Variants in SPON1 observed in about 807,000 individuals in gnomAD.
The protein encoded by SPON1 is spondin-1.
SPON1 carries 52 observed loss-of-function variants against 111.7 expected under a neutral mutation model. The observed-to-expected ratio is 0.47, with a 90% CI of 0.37 to 0.59. The LOEUF (loss-of-function observed/expected upper bound fraction) is 0.59. Among genes scored for constraint, SPON1 ranks in the 20% least tolerant of loss-of-function variants. The probability of loss-of-function intolerance (pLI) is 0.00; values close to 1 mark genes in which losing one functional copy is unlikely to be tolerated. For synonymous variants in SPON1, 410 were observed against 395.8 expected (o/e 1.04, Z -0.43); for missense variants, 957 against 1,068.5 (o/e 0.90, Z 1.46).
intron 6 of SPON1, among the ~76,000 whole-genome samples, chr11:14,160,762 T>TTTA (rs1847923882): frequency 2.3e-5 from 1 of 43,692 alleles, no homozygotes; most frequent in African/African-American, 9.6e-5. Flanking sequence ...TTATATATAT[T>TTTA]TATATATTTA....
rs1366705580 is a variant in SPON1, at chr11:14,150,967, G to A, written c.825+15399G>A. On this transcript the variant is annotated intron_variant, in intron 6 of 15. Transcript: ENST00000576479. ...CCAGGATAGCAGTTTTTGTTGTTAC[G>A]TTCTCTGTGTCTGAGGATGGACTCA... 3.3e-5 allele frequency among the ~76,000 whole-genome samples: 5 copies of A among 152,120 alleles called. No individual in the cohort carries two copies. The South Asian group carries it at 8.3e-4, about 25-fold the overall frequency.
chr11:14,133,475 G>C (rs1056437610), intron 5 of SPON1, among the ~76,000 whole-genome samples: 42 of 152,350 alleles, frequency 2.8e-4, no homozygotes, highest in African/African-American at 9.6e-4. Flanking sequence ...ATTTTATAAA[G>C]GAGGAATGGG....
At chr11:14,191,300 G>A (rs782797552) in intron 6 of SPON1, among the ~76,000 whole-genome samples, 5 of 152,136 alleles carry the variant, frequency 3.3e-5, no homozygotes, top group Admixed American at 6.5e-5. Flanking sequence ...GCACTCGTAG[G>A]TTATGTTATA....
chr11:14,020,215 T>C (rs552193731), intron 2 of SPON1, among the ~76,000 whole-genome samples: 2 of 152,222 alleles, frequency 1.3e-5, no homozygotes, highest in Admixed American at 6.5e-5. Flanking sequence ...ATAGGTCTTA[T>C]AGGGAACAGG....
At chr11:14,071,380 C>T (rs782559805) in intron 3 of SPON1, among the ~76,000 whole-genome samples, 7 of 152,102 alleles carry the variant, frequency 4.6e-5, no homozygotes, top group African/African-American at 7.2e-5. Context: ...CAACTCTGCA[C>T]GCTTTCCCTG....
At chr11:14,170,211 A>G (rs1336832492) in intron 6 of SPON1, among the ~76,000 whole-genome samples, 1 of 152,114 alleles carries the variant, frequency 6.6e-6, no homozygotes, top group African/African-American at 2.4e-5. Flanking sequence ...GGTCCTTCAC[A>G]TCCCTTGTAA....
At chr11:14,202,525 C>G (rs1162334118) in intron 6 of SPON1, among the ~76,000 whole-genome samples, 1 of 152,120 alleles carries the variant, frequency 6.6e-6, no homozygotes, top group Non-Finnish European at 1.5e-5. Context: ...AGAGTCTGTG[C>G]CTTCTGGCCC....
intron 6 of SPON1, among the ~76,000 whole-genome samples, chr11:14,229,192 T>A (rs1322862927): frequency 1.3e-5 from 2 of 152,252 alleles, no homozygotes; most frequent in African/African-American, 4.8e-5. Flanking sequence ...TGAACATTCA[T>A]TCAACATATT....
intron 1 of SPON1, among the ~76,000 whole-genome samples, chr11:13,981,080 CTTGAA>C (rs1478641270): frequency 6.6e-6 from 1 of 152,152 alleles, no homozygotes; most frequent in Non-Finnish European, 1.5e-5. Context: ...TTTAAAGAAA[CTTGAA>C]TTGAACATCT....
intron 5 of SPON1, among the ~76,000 whole-genome samples, chr11:14,128,624 A>G (rs1253204375): frequency 2.0e-5 from 3 of 152,174 alleles, no homozygotes; most frequent in Non-Finnish European, 4.4e-5. Context: ...CTGAAGGATG[A>G]TGACCCTCTT....
At chr11:14,243,097 G>T (rs1161044604) in intron 6 of SPON1, among the ~76,000 whole-genome samples, 3 of 152,214 alleles carry the variant, frequency 2.0e-5, no homozygotes, top group South Asian at 2.1e-4. Flanking sequence ...GAAACCAAAG[G>T]TGTGACTCAG....
At chr11:14,129,831 G>T (rs563392954) in intron 5 of SPON1, among the ~76,000 whole-genome samples, 2 of 152,250 alleles carry the variant, frequency 1.3e-5, no homozygotes, top group East Asian at 3.9e-4. Flanking sequence ...TACAATCATG[G>T]CAGAAGGTGA....
intron 6 of SPON1, among the ~76,000 whole-genome samples, chr11:14,240,738 G>A (rs1848916384): frequency 6.6e-6 from 1 of 152,002 alleles, no homozygotes; most frequent in African/African-American, 2.4e-5. Flanking sequence ...TAACTTGGCA[G>A]CCACCTTCAC....
intron 6 of SPON1, among the ~76,000 whole-genome samples, chr11:14,180,930 A>C (rs1848230148): frequency 6.6e-6 from 1 of 152,162 alleles, no homozygotes; most frequent in Non-Finnish European, 1.5e-5. Context: ...CTTTCTTTAG[A>C]TATGAGCCTA....
At chr11:14,130,039 G>GGTCAATA (rs1277112447) in intron 5 of SPON1, among the ~76,000 whole-genome samples, 2 of 152,176 alleles carry the variant, frequency 1.3e-5, no homozygotes, top group Non-Finnish European at 2.9e-5. Flanking sequence ...ATGAAATTCA[G>GGTCAATA]GTCAATAGTC....
chr11:14,053,896 A>C (rs1848725735), intron 3 of SPON1, among the ~76,000 whole-genome samples: 1 of 152,184 alleles, frequency 6.6e-6, no homozygotes, highest in South Asian at 2.1e-4. Flanking sequence ...CTTCATCTGG[A>C]AGAAGCGAGG....
intron 6 of SPON1, among the ~76,000 whole-genome samples, chr11:14,177,104 C>T (rs6486174): frequency 0.83 from 126,690 of 152,088 alleles, 52,876 homozygotes; most frequent in African/African-American, 0.88. Context: ...GCAGTGGCGC[C>T]ATCTCAGCTC....
chr11:14,240,960 C>T (rs184573708), intron 6 of SPON1, among the ~76,000 whole-genome samples: 12 of 152,076 alleles, frequency 7.9e-5, no homozygotes, highest in Admixed American at 2.6e-4. Context: ...GTATGTAGTA[C>T]GTACTGATGG....
At chr11:14,056,977 A>G (rs1848749632) in intron 3 of SPON1, among the ~76,000 whole-genome samples, 1 of 152,184 alleles carries the variant, frequency 6.6e-6, no homozygotes, top group African/African-American at 2.4e-5. Flanking sequence ...CTAAATTCTC[A>G]TACACTTATA....
Sources: gnomAD v4.1 joint callset for allele counts (sites outside exome capture counted in the v4.1 genomes callset) on GRCh38, gnomAD v4.1.1 for gene constraint, MANE v1.5 for transcripts, NCBI Gene and HGNC (gene_info 2026-07-23, HGNC 2026-07-21) for gene names.